The following CEP85L variants were observed in gnomAD, a reference collection of about 807,000 sequenced individuals.
CEP85L encodes centrosomal protein of 85 kDa-like.
A neutral mutation model predicts 100.3 loss-of-function variants in CEP85L; 60 were observed. That is an observed-to-expected ratio of 0.60 (90% CI 0.49 to 0.74). The LOEUF is 0.74. CEP85L is among the 30% of genes least tolerant of loss of function. The probability of loss-of-function intolerance (pLI) is 0.00; values close to 1 mark genes in which losing one functional copy is unlikely to be tolerated. For missense variants in CEP85L, 973 were observed against 936.2 expected (o/e 1.04, Z -0.51); for synonymous variants, 319 against 322.7 (o/e 0.99, Z 0.12).
At chr6:118,582,468 G>A (rs1045095006) in intron 2 of CEP85L, among the ~76,000 whole-genome samples, 2 of 152,164 alleles carry the variant, frequency 1.3e-5, no homozygotes, top group African/African-American at 4.8e-5. Context: ...CATGCCTCCT[G>A]TAGCAGACCA....
At chr6:118,616,539 GAA>G (rs1385611397) in intron 2 of CEP85L, among the ~76,000 whole-genome samples, 1 of 126,292 alleles carries the variant, frequency 7.9e-6, no homozygotes, top group African/African-American at 2.9e-5. Context: ...TCAAAACAAT[GAA>G]AAAAAAAAAA....
chr6:118,573,472 G>A (rs1408073383), intron 2 of CEP85L, among the ~76,000 whole-genome samples: 1 of 152,106 alleles, frequency 6.6e-6, no homozygotes, highest in Non-Finnish European at 1.5e-5. Flanking sequence ...AAAAAAGGAA[G>A]AGCAAAGAGA....
Position 118,651,235 on chromosome 6 carries a change from C to T in CEP85L, c.35G>A (p.Gly12Asp), listed in dbSNP as rs1349502490. The T allele has an allele frequency of 2.7e-6, 4 of 1,495,148 alleles. No homozygotes were observed. The Middle Eastern group carries it at 6.6e-4, about 246-fold the overall frequency. The allele number at this position is 1,495,148 out of a possible 1,614,324, so 92.6% of individuals were successfully genotyped here. The change falls in exon 1 of 13, where the codon GGC (glycine) becomes GAC (aspartate). Residue 12 changes from glycine to aspartate, a missense_variant. Gly to Asp is a moderately conservative substitution (Grantham distance 94). Coordinates refer to ENST00000368491, the MANE Select transcript of CEP85L (RefSeq NM_001042475.3). ...GCGGGCTCCGCCGGGGCTATCCCGG[C>T]CGCTGGCCTCCGGAGCCAGGAAGCG... ...WGRFLAPEAS[G>D]RDSPGGARSF...
In CEP85L at chr6:118,479,912, T is replaced by A. The variant is rs1397529636; in HGVS notation, c.1873A>T (p.Ser625Cys). The A allele has an allele frequency of 1.3e-6, 2 of 1,485,752 alleles. No homozygotes were observed. Among genetic ancestry groups the A allele is most frequent in the South Asian group, 2.5e-5 (2 of 80,576 alleles). The allele number at this position is 1,485,752 out of a possible 1,614,324, so 92.0% of individuals were successfully genotyped here. Residue 625 changes from serine to cysteine, a missense_variant, in exon 10 of 13, where the codon AGC becomes TGC. Transcript: ENST00000368491. ...ATTCTGTCAATCTCATCTTGTTGGC[T>A]GTCTATTATCTAAAACAAAATAAAT... is the stretch of plus-strand genomic sequence containing the variant. ...QNETASKIID[S>C]QQDEIDRMIL...
At chr6:118,657,502 C>T (rs192152142), upstream of CEP85L, among the ~76,000 whole-genome samples, 24 of 152,316 alleles carry the variant, frequency 1.6e-4, no homozygotes, top group African/African-American at 5.3e-4. Context: ...TGCCTGTAGT[C>T]TCTGCTACTC....
intron 2 of CEP85L, among the ~76,000 whole-genome samples, chr6:118,601,210 AT>A (rs1251694019): frequency 3.5e-4 from 53 of 152,328 alleles, no homozygotes; most frequent in African/African-American, 1.2e-3. Context: ...ATGAGTTAAC[AT>A]GTGTAAAGTG....
chr6:118,510,620 T>C (rs1370134812), intron 5 of CEP85L, among the ~76,000 whole-genome samples: 1 of 152,070 alleles, frequency 6.6e-6, no homozygotes, highest in African/African-American at 2.4e-5. Flanking sequence ...AGTGGGACGG[T>C]GAGAGTTCTT....
At chr6:118,580,971 C>T (rs968636283) in intron 2 of CEP85L, among the ~76,000 whole-genome samples, 1 of 152,146 alleles carries the variant, frequency 6.6e-6, no homozygotes, top group Non-Finnish European at 1.5e-5. Context: ...GTCTCTCTAC[C>T]GCTTGTCTGA....
intron 4 of CEP85L, among the ~76,000 whole-genome samples, chr6:118,517,952 G>A (rs556246490): frequency 6.2e-4 from 95 of 152,304 alleles, no homozygotes; most frequent in Non-Finnish European, 8.4e-4. Flanking sequence ...AAGGGGTGTC[G>A]AATTTTATCG....
At chr6:118,521,832 G>A (rs1776686290) in intron 4 of CEP85L, among the ~76,000 whole-genome samples, 1 of 152,036 alleles carries the variant, frequency 6.6e-6, no homozygotes, top group Admixed American at 6.6e-5. Context: ...CCTAGCTAAA[G>A]AATTAGCCAA....
At chr6:118,528,165 T>C (rs902981654) in intron 3 of CEP85L, among the ~76,000 whole-genome samples, 2 of 151,986 alleles carry the variant, frequency 1.3e-5, no homozygotes, top group African/African-American at 4.8e-5. Context: ...CTAAAAAAAA[T>C]TTCCCATGGC....
chr6:118,610,509 A>C (rs904585963), intron 2 of CEP85L, among the ~76,000 whole-genome samples: 4 of 152,198 alleles, frequency 2.6e-5, no homozygotes. Flanking sequence ...GTAACAAGGC[A>C]ACCCACACTG....
At chr6:118,561,794 T>G (rs1198412339) in intron 3 of CEP85L, among the ~76,000 whole-genome samples, 1 of 151,630 alleles carries the variant, frequency 6.6e-6, no homozygotes, top group Non-Finnish European at 1.5e-5. Flanking sequence ...TTTATAGGGG[T>G]TTTTTTGGTG....
intron 5 of CEP85L, among the ~76,000 whole-genome samples, chr6:118,495,909 G>T (rs949107453): frequency 2.6e-5 from 4 of 152,160 alleles, no homozygotes; most frequent in South Asian, 2.1e-4. Context: ...AACAAGGCTT[G>T]CTTTTGTGTG....
At chr6:118,474,462 C>G (rs1368425865) in intron 10 of CEP85L, among the ~76,000 whole-genome samples, 2 of 152,156 alleles carry the variant, frequency 1.3e-5, no homozygotes, top group African/African-American at 4.8e-5. Context: ...GCAAGTGCAA[C>G]CAAGAGATGG....
chr6:118,626,190 C>T (rs1773782235), intron 2 of CEP85L, among the ~76,000 whole-genome samples: 1 of 152,158 alleles, frequency 6.6e-6, no homozygotes, highest in Non-Finnish European at 1.5e-5. Context: ...TCAGGACTTA[C>T]TTCAGTTCTG....
chr6:118,469,433 A>C (rs1772773971), intron 11 of CEP85L, 130 bp from the exon 12 acceptor site: 3 of 646,842 alleles, frequency 4.6e-6, no homozygotes, highest in African/African-American at 3.6e-5. Flanking sequence ...ACATTAACCA[A>C]ATTCAACTAC....
chr6:118,579,888 C>G (rs1296785402), intron 2 of CEP85L, among the ~76,000 whole-genome samples: 1 of 152,200 alleles, frequency 6.6e-6, no homozygotes, highest in Non-Finnish European at 1.5e-5. Context: ...ACTGGGTCCA[C>G]TCAATATGGC....
intron 1 of CEP85L, among the ~76,000 whole-genome samples, chr6:118,667,693 A>G (rs577785630): frequency 1.3e-5 from 2 of 152,218 alleles, no homozygotes; most frequent in Non-Finnish European, 2.9e-5. Context: ...ACTAAGGCCT[A>G]GAGAGATGAA....
Sources: gnomAD v4.1 joint callset for allele counts (sites outside exome capture counted in the v4.1 genomes callset) on GRCh38, gnomAD v4.1.1 for gene constraint, MANE v1.5 for transcripts, NCBI Gene and HGNC (gene_info 2026-07-23, HGNC 2026-07-21) for gene names.